Variants in FBXO47 observed in about 807,000 individuals in gnomAD.
The protein encoded by FBXO47 is F-box protein 47, also known as F-box only protein 47.
Under a neutral mutation model 53.9 loss-of-function variants are expected in FBXO47, and 34 were observed. The ratio of observed to expected loss-of-function variants is 0.63; its 90% CI spans 0.48 to 0.84. The LOEUF (loss-of-function observed/expected upper bound fraction) is 0.84, where lower values mean the gene tolerates loss of function less well. Ranked by LOEUF, FBXO47 falls within the 40% of genes least tolerant of loss-of-function variation. The probability of loss-of-function intolerance (pLI) is 0.00; values close to 1 mark genes in which losing one functional copy is unlikely to be tolerated. For missense variants in FBXO47, 485 were observed against 541.3 expected (o/e 0.90, Z 1.03); for synonymous variants, 165 against 181.6 (o/e 0.91, Z 0.73).
At position 38,943,741 on chromosome 17, in the gene FBXO47, A is replaced by C; in HGVS notation, c.794-5T>G. Reference sequence around the variant, plus strand: ...TTTCCTGCCAAACCACCTGTCCTGAATTGAAACAAAAACGAGGCTATGACA... The same window carrying C: ...TTTCCTGCCAAACCACCTGTCCTGACTTGAAACAAAAACGAGGCTATGACA... On this transcript the variant is annotated splice_region_variant and splice_polypyrimidine_tract_variant and intron_variant, in intron 7 of 10. Transcript: ENST00000378079. 2.5e-6 allele frequency: 4 copies of C among 1,597,678 alleles called. No homozygotes were observed. The highest frequency in any genetic ancestry group is 3.4e-6 in the Non-Finnish European group (4 of 1,175,766).
In FBXO47 at chr17:38,963,018, G is replaced by A. The variant is rs2143970023; in HGVS notation, c.8C>T (p.Ser3Phe). ...CAAAGTGAAATTTGTATTTATTCTGGATGCCATTCTTCTTCTTGTCTCACA... is the reference window on the plus strand; with the variant it reads ...CAAAGTGAAATTTGTATTTATTCTGAATGCCATTCTTCTTCTTGTCTCACA... The part of the protein sequence containing the change: MA[S>F]RINTNFTLIP... The change falls in exon 2 of 11, where the codon TCC becomes TTC. Residue 3 changes from serine to phenylalanine, a missense_variant. Ser to Phe is a radical substitution (Grantham distance 155). Transcript: ENST00000378079. 1 of 1,610,440 alleles carries A rather than the reference G, an allele frequency of 6.2e-7. No individual in the cohort carries two copies. The highest frequency in any genetic ancestry group is 2.2e-5 in the East Asian group (1 of 44,826).
chr17:38,946,587 ACT>A (rs1904873198), intron 6 of FBXO47, among the ~76,000 whole-genome samples: 8 of 80,474 alleles, frequency 9.9e-5, no homozygotes, highest in Non-Finnish European at 1.4e-4. Context: ...TGAATATATA[ACT>A]ATATAAATAT....
intron 4 of FBXO47, among the ~76,000 whole-genome samples, chr17:38,956,591 C>CAAAAAAAAAAAA (rs1158036745): frequency 1.8e-5 from 1 of 55,946 alleles, no homozygotes; most frequent in Non-Finnish European, 4.2e-5. Context: ...TCTGTCTCAA[C>CAAAAAAAAAAAA]AAAAAAAAAA....
At chr17:38,962,098 C>T (rs771213494) in intron 2 of FBXO47, 51 bp from the exon 3 acceptor site, 59 of 1,419,172 alleles carry the variant, frequency 4.2e-5, no homozygotes, top group Non-Finnish European at 5.5e-5. Context: ...AATGCAAGAA[C>T]GTCACTATTA....
At chr17:38,945,426 AAG>A (rs1555560539) in intron 6 of FBXO47, among the ~76,000 whole-genome samples, 1 of 152,160 alleles carries the variant, frequency 6.6e-6, no homozygotes, top group Non-Finnish European at 1.5e-5. Flanking sequence ...TGGATTTAAA[AAG>A]AAATAAATGC....
At position 38,962,816 on chromosome 17, in the gene FBXO47, T is replaced by C. The variant is rs767357301; in HGVS notation, c.181+29A>G. ...AATTAAAATACTCTAGTGTCTTGTG[T>C]AGGCTATTCATAAGTTCCCAAACCT... On this transcript the variant is annotated intron_variant, in intron 2 of 10. Coordinates refer to ENST00000378079, the MANE Select transcript of FBXO47 (RefSeq NM_001008777.3). 5.2e-6 allele frequency: 8 copies of C among 1,535,408 alleles called. No individual in the cohort carries two copies. In the South Asian group the frequency reaches 6.9e-5, roughly 13 times the overall value.
intron 6 of FBXO47, among the ~76,000 whole-genome samples, chr17:38,950,155 C>T (rs1255366332): frequency 1.3e-5 from 2 of 152,004 alleles, no homozygotes; most frequent in African/African-American, 4.8e-5. Flanking sequence ...AACTCTGTAA[C>T]CATTAAGCAG....
intron 3 of FBXO47, among the ~76,000 whole-genome samples, chr17:38,959,335 C>G (rs893264108): frequency 7.9e-5 from 12 of 151,800 alleles, no homozygotes; most frequent in Non-Finnish European, 1.3e-4. Context: ...GTAATCCCAG[C>G]ACTTTGAGAG....
At chr17:38,966,050 G>T (rs1260305440) in intron 1 of FBXO47, among the ~76,000 whole-genome samples, 1 of 151,980 alleles carries the variant, frequency 6.6e-6, no homozygotes, top group East Asian at 1.9e-4. Context: ...ATAATACTTT[G>T]TAATCTGCTT....
In FBXO47 at chr17:38,938,869, C is replaced by A. The variant is rs115881110; in HGVS notation, c.1084-137G>T. ...TACCTGACACCATACTGAGTCTATACATGGGAAATGCTCTTCTATCTAATA... is the reference window on the plus strand; with the variant it reads ...TACCTGACACCATACTGAGTCTATAAATGGGAAATGCTCTTCTATCTAATA... On this transcript the variant is annotated intron_variant, in intron 9 of 10. Transcript: ENST00000378079. The A allele has an allele frequency of 1.2e-4, 77 of 636,282 alleles. No homozygotes were observed. The Middle Eastern group carries it at 1.3e-3, about 11-fold the overall frequency. 39.4% of individuals were successfully genotyped at this position (636,282 alleles called of 1,614,324 possible).
In FBXO47 at chr17:38,954,590, A is replaced by G. The variant is rs530867818; in HGVS notation, c.507+266T>C. Among the ~76,000 whole-genome samples, 8 of 152,252 alleles carry G rather than the reference A, an allele frequency of 5.3e-5. No individual in the cohort carries two copies. The East Asian group carries it at 7.7e-4, about 15-fold the overall frequency. The stretch of plus-strand genomic sequence containing the variant: ...ACTAGTAGAAACTTTGAGGACACCA[A>G]TTCTTCAGGAGGAGTAACCTTCATT... On this transcript the variant is annotated intron_variant, in intron 5 of 10. Transcript: ENST00000378079.
At position 38,961,869 on chromosome 17, in the gene FBXO47, T is replaced by C. The variant is rs1905828086; in HGVS notation, c.352+8A>G. 1 of 1,606,150 alleles carries C rather than the reference T, an allele frequency of 6.2e-7. No individual in the cohort carries two copies. The highest frequency in any genetic ancestry group is 8.5e-7 in the Non-Finnish European group (1 of 1,177,796). On this transcript the variant is annotated splice_region_variant and intron_variant, in intron 3 of 10. Transcript: ENST00000378079. Reference sequence around the variant, plus strand: ...TTTACTTGTTGCAATTCTCATTACATAAGTTACCTAGAGATCTGTAGTGCT... The same window carrying C: ...TTTACTTGTTGCAATTCTCATTACACAAGTTACCTAGAGATCTGTAGTGCT...
In FBXO47 at chr17:38,951,709, C is replaced by G. The variant is rs1278715988; in HGVS notation, c.508-20G>C. On this transcript the variant is annotated intron_variant, in intron 5 of 10. Transcript: ENST00000378079. The stretch of plus-strand genomic sequence containing the variant: ...TAAGGTCTGAGGAAAATAAAGAAAA[C>G]ATTGTGGATATTCAGACTATCAAGT... 1.3e-6 allele frequency: 2 copies of G among 1,546,266 alleles called. No homozygotes were observed. Among genetic ancestry groups the G allele is most frequent in the Non-Finnish European group, 1.8e-6 (2 of 1,120,916 alleles).
intron 10 of FBXO47, 40 bp from the exon 11 acceptor site, chr17:38,937,330 A>C (rs781129887): frequency 2.5e-6 from 2 of 791,986 alleles, no homozygotes; most frequent in Non-Finnish European, 4.1e-6. Flanking sequence ...AATGACAGTT[A>C]AAATGTTAAG....
chr17:38,946,809 C>CATATATAAATATATAAATATATAA (rs1174775863), intron 6 of FBXO47, among the ~76,000 whole-genome samples: 2 of 55,806 alleles, frequency 3.6e-5, no homozygotes, highest in African/African-American at 1.8e-4. Context: ...GATATATAAA[C>CATATATAAATATATAAATATATAA]ATATATAAAT....
chr17:38,952,893 A>C (rs1905368113), intron 5 of FBXO47, among the ~76,000 whole-genome samples: 2 of 140,944 alleles, frequency 1.4e-5, no homozygotes, highest in South Asian at 4.4e-4. Context: ...ACCTCAGGTG[A>C]TCGGCCTGCA....
chr17:38,948,199 T>A, intron 6 of FBXO47, among the ~76,000 whole-genome samples: 1 of 146,284 alleles, frequency 6.8e-6, no homozygotes, highest in East Asian at 2.0e-4. Context: ...TGGATTTCCC[T>A]ATTCTGGATT....
intron 3 of FBXO47, among the ~76,000 whole-genome samples, chr17:38,959,660 G>C (rs1905730771): frequency 7.2e-6 from 1 of 138,824 alleles, no homozygotes; most frequent in Non-Finnish European, 1.6e-5. Context: ...GTGTGTGTAT[G>C]AATATGAGAC....
intron 6 of FBXO47, among the ~76,000 whole-genome samples, chr17:38,946,311 T>C (rs1199517435): frequency 1.9e-5 from 1 of 51,844 alleles, no homozygotes; most frequent in Non-Finnish European, 3.7e-5. Flanking sequence ...TATATAAATA[T>C]ATAAATATAT....
Sources: gnomAD v4.1 joint callset for allele counts (sites outside exome capture counted in the v4.1 genomes callset) on GRCh38, gnomAD v4.1.1 for gene constraint, MANE v1.5 for transcripts, NCBI Gene and HGNC (gene_info 2026-07-23, HGNC 2026-07-21) for gene names.